TRAPPC9: variants seen among roughly 807,000 people sequenced by gnomAD.
The protein encoded by TRAPPC9 is IKK2 binding protein.
In TRAPPC9, 83 loss-of-function variants were observed where a neutral mutation model predicts 124.0. The ratio of observed to expected loss-of-function variants is 0.67; its 90% CI spans 0.56 to 0.80. TRAPPC9 has a LOEUF of 0.80. Among genes scored for constraint, TRAPPC9 ranks in the 30% least tolerant of loss-of-function variants. TRAPPC9 has a pLI of 0.00. For missense variants in TRAPPC9, 1,302 were observed against 1,508.3 expected (o/e 0.86, Z 2.27); for synonymous variants, 638 against 617.5 (o/e 1.03, Z -0.49).
chr8:140,164,935 T>C (rs57649800), intron 17 of TRAPPC9, among the ~76,000 whole-genome samples: 1,610 of 152,346 alleles, frequency 0.011, 27 homozygotes, highest in African/African-American at 0.036. Context: ...TAGTCTAGCA[T>C]GAGCAGGCTG....
At chr8:140,380,215 T>C (rs926782533) in intron 7 of TRAPPC9, among the ~76,000 whole-genome samples, 24 of 152,098 alleles carry the variant, frequency 1.6e-4, no homozygotes, top group Non-Finnish European at 3.4e-4. Context: ...ATAACCAAGA[T>C]AGTGTGGTAC....
chr8:140,366,614 A>G (rs1388393042), intron 8 of TRAPPC9, among the ~76,000 whole-genome samples: 1 of 152,262 alleles, frequency 6.6e-6, no homozygotes, highest in African/African-American at 2.4e-5. Flanking sequence ...GAGAAAATAC[A>G]AACCTCCCAG....
intron 17 of TRAPPC9, among the ~76,000 whole-genome samples, chr8:140,102,156 T>C (rs918600316): frequency 1.3e-5 from 2 of 152,226 alleles, no homozygotes; most frequent in African/African-American, 4.8e-5. Context: ...TAACTTATGA[T>C]GCTTTGTAAG....
intron 15 of TRAPPC9, among the ~76,000 whole-genome samples, chr8:140,269,423 C>A (rs1227235937): frequency 6.6e-6 from 1 of 151,968 alleles, no homozygotes; most frequent in Non-Finnish European, 1.5e-5. Flanking sequence ...TGCCTGGAGT[C>A]CCAGCTACTC....
At chr8:140,036,053 C>A (rs976003626) in intron 17 of TRAPPC9, among the ~76,000 whole-genome samples, 4 of 152,130 alleles carry the variant, frequency 2.6e-5, no homozygotes, top group Non-Finnish European at 5.9e-5. Flanking sequence ...CGTCACTGGA[C>A]AAACACTGGC....
chr8:139,896,289 G>C (rs1287769551), intron 20 of TRAPPC9, among the ~76,000 whole-genome samples: 1 of 152,082 alleles, frequency 6.6e-6, no homozygotes, highest in Non-Finnish European at 1.5e-5. Context: ...TTAAATACGT[G>C]GACCCTGGCA....
intron 17 of TRAPPC9, among the ~76,000 whole-genome samples, chr8:140,148,716 G>A (rs6987480): frequency 0.49 from 74,306 of 152,026 alleles, 18,641 homozygotes; most frequent in African/African-American, 0.61. Context: ...GAGAGAAAAT[G>A]CCAAGCAATT....
Position 139,945,537 on chromosome 8 carries a change from A to G in TRAPPC9, c.2811-35237T>C, listed in dbSNP as rs554351974. Among the ~76,000 whole-genome samples, 77 of 119,130 alleles carry G rather than the reference A, an allele frequency of 6.5e-4. No individual in the cohort carries two copies. In the East Asian group the frequency reaches 0.013, roughly 20 times the overall value. The allele number at this position is 119,130 out of a possible 152,430, so 78.2% of individuals were successfully genotyped here. ...TCCTGCTCTCCACAATTGACAGCAC[A>G]ATTAGCAAAAAAAAAAAAAAAAAAA... On this transcript the variant is annotated intron_variant, in intron 19 of 22. Coordinates refer to ENST00000438773, the MANE Select transcript of TRAPPC9 (RefSeq NM_001160372.4).
intron 17 of TRAPPC9, among the ~76,000 whole-genome samples, chr8:140,086,786 T>C (rs1201306608): frequency 6.6e-6 from 1 of 151,976 alleles, no homozygotes; most frequent in Non-Finnish European, 1.5e-5. Context: ...AATACAAAAA[T>C]TAGCCGGGTG....
intron 7 of TRAPPC9, among the ~76,000 whole-genome samples, chr8:140,385,451 T>A (rs2068728872): frequency 6.6e-6 from 1 of 151,016 alleles, no homozygotes; most frequent in Non-Finnish European, 1.5e-5. Context: ...GAGAGAAGAA[T>A]CAAATAGACG....
rs1825531333 is a variant in TRAPPC9, at chr8:139,825,107, G to A, written c.3055+60772C>T. 1.3e-5 allele frequency among the ~76,000 whole-genome samples: 2 copies of A among 152,106 alleles called. No homozygotes were observed. Among genetic ancestry groups the A allele is most frequent in the Admixed American group, 1.3e-4 (2 of 15,276 alleles). The stretch of plus-strand genomic sequence containing the variant: ...TGGAGTGGGGGTCACAGATGACCCG[G>A]GCCCTGGACGTGGGACGTGGGCTGC... On this transcript the variant is annotated intron_variant, in intron 21 of 22. Coordinates refer to ENST00000438773, the MANE Select transcript of TRAPPC9 (RefSeq NM_001160372.4). The surrounding 1 kb of genome is among the most constrained non-coding windows in gnomAD (Gnocchi z 4.6).
intron 9 of TRAPPC9, among the ~76,000 whole-genome samples, chr8:140,336,457 T>C (rs2067043276): frequency 6.6e-6 from 1 of 152,170 alleles, no homozygotes; most frequent in Non-Finnish European, 1.5e-5. Context: ...TGGAAATATG[T>C]AGAAAATGCA....
In TRAPPC9 at chr8:139,969,701, C is replaced by T. The variant is rs550825716; in HGVS notation, c.2810+19025G>A. Among the ~76,000 whole-genome samples the T allele has an allele frequency of 5.9e-5, 9 of 152,356 alleles. No individual in the cohort carries two copies. In the Middle Eastern group the frequency reaches 0.01, roughly 173 times the overall value. On this transcript the variant is annotated intron_variant, in intron 19 of 22. Transcript: ENST00000438773. ...CAGTGGGATGCCGTGGAATGCTCCTCGCCCCCCAGTGCCACCAGGCACAAA... is the reference window on the plus strand; with the variant it reads ...CAGTGGGATGCCGTGGAATGCTCCTTGCCCCCCAGTGCCACCAGGCACAAA...
chr8:139,842,954 C>A (rs934480671), intron 21 of TRAPPC9, among the ~76,000 whole-genome samples: 1 of 152,252 alleles, frequency 6.6e-6, no homozygotes, highest in Non-Finnish European at 1.5e-5. Flanking sequence ...AGGAACAGTA[C>A]GTGGCAGGCT....
chr8:140,011,707 T>C (rs1839147257), intron 18 of TRAPPC9, among the ~76,000 whole-genome samples: 1 of 131,066 alleles, frequency 7.6e-6, no homozygotes, highest in Non-Finnish European at 1.6e-5. Context: ...TGACGGAGTC[T>C]TGCTCTGTAG....
intron 17 of TRAPPC9, among the ~76,000 whole-genome samples, chr8:140,071,028 C>T (rs1035390761): frequency 6.6e-6 from 1 of 152,246 alleles, no homozygotes; most frequent in East Asian, 1.9e-4. Flanking sequence ...TGCGATCGTT[C>T]TAGCATATTG....
chr8:139,930,694 C>T (rs1386241282), intron 19 of TRAPPC9, among the ~76,000 whole-genome samples: 5 of 152,192 alleles, frequency 3.3e-5, no homozygotes, highest in Admixed American at 2.6e-4. Context: ...AATGAGATTT[C>T]GTTTTCAACC....
intron 21 of TRAPPC9, among the ~76,000 whole-genome samples, chr8:139,769,989 C>A (rs529699069): frequency 6.6e-6 from 1 of 152,208 alleles, no homozygotes; most frequent in East Asian, 1.9e-4. Flanking sequence ...ACTGGGGGCA[C>A]GGGGCAGGCA....
At chr8:140,011,788 C>T (rs990897140) in intron 18 of TRAPPC9, among the ~76,000 whole-genome samples, 29 of 151,048 alleles carry the variant, frequency 1.9e-4, no homozygotes, top group African/African-American at 7.1e-4. Context: ...AGTGATTCTC[C>T]TGCCTCAGCC....
Sources: allele counts gnomAD v4.1 joint callset (sites outside exome capture counted in the v4.1 genomes callset), GRCh38; gene constraint gnomAD v4.1.1; non-coding constraint Gnocchi (gnomAD v3.1); transcripts MANE v1.5; gene names NCBI Gene and HGNC (gene_info 2026-07-23, HGNC 2026-07-21).